The following KIF2A variants were observed in gnomAD, a reference collection of about 807,000 sequenced individuals.
KIF2A encodes the protein kinesin family member 2A, also known as kinesin-like protein KIF2A.
In KIF2A, 22 loss-of-function variants were observed where a neutral mutation model predicts 100.2. The ratio of observed to expected loss-of-function variants is 0.22; its 90% confidence interval spans 0.16 to 0.31. KIF2A has a LOEUF of 0.31. Ranked by LOEUF, KIF2A falls within the 10% of genes least tolerant of loss-of-function variation. The probability of loss-of-function intolerance (pLI) is 1.00; values close to 1 mark genes in which losing one functional copy is unlikely to be tolerated. For synonymous variants in KIF2A, 268 were observed against 285.9 expected, an observed-to-expected ratio of 0.94 and a Z score of 0.63; for missense variants, 495 against 898.7, an observed-to-expected ratio of 0.55 and a Z score of 5.74.
At chr5:62,349,585 T>C (rs1293066719) in intron 3 of KIF2A, among the ~76,000 whole-genome samples, 1 of 152,186 alleles carries the variant, frequency 6.6e-6, no homozygotes, top group African/African-American at 2.4e-5. Flanking sequence ...TTAGAAACTC[T>C]TATGAAACCT....
chr5:62,352,007 A>G (rs1271287505), intron 4 of KIF2A, among the ~76,000 whole-genome samples: 1 of 152,148 alleles, frequency 6.6e-6, no homozygotes, highest in East Asian at 1.9e-4. Context: ...TACAAAAATG[A>G]GCCAGGTGTA....
chr5:62,370,201 G>A (rs1741257537), intron 16 of KIF2A, among the ~76,000 whole-genome samples: 1 of 152,126 alleles, frequency 6.6e-6, no homozygotes, highest in Admixed American at 6.5e-5. Flanking sequence ...GTTTTATATG[G>A]GAATTGTGGG....
intron 17 of KIF2A, among the ~76,000 whole-genome samples, chr5:62,373,088 G>A (rs967651824): frequency 6.6e-6 from 1 of 151,772 alleles, no homozygotes; most frequent in Admixed American, 6.6e-5. Context: ...TTAAAGTAAG[G>A]AAAGTTTACC....
At chr5:62,306,786 G>T in intron 1 of KIF2A, 1 of 476,976 alleles carries the variant, frequency 2.1e-6, no homozygotes, top group Non-Finnish European at 3.7e-6. Flanking sequence ...CCCGGGTGTC[G>T]AGGGTCGCGT....
chr5:62,339,088 A>G (rs1210267601), intron 1 of KIF2A, among the ~76,000 whole-genome samples: 1 of 152,194 alleles, frequency 6.6e-6, no homozygotes, highest in East Asian at 1.9e-4. Flanking sequence ...AGACTGGGTA[A>G]TTTATAAAGA....
intron 18 of KIF2A, among the ~76,000 whole-genome samples, chr5:62,375,767 T>G (rs1741513603): frequency 6.6e-6 from 1 of 152,238 alleles, no homozygotes; most frequent in Admixed American, 6.5e-5. Context: ...ATGGATATTT[T>G]GCTTGTCACA....
At chr5:62,346,385 A>G (rs1747569372) in intron 1 of KIF2A, among the ~76,000 whole-genome samples, 1 of 152,168 alleles carries the variant, frequency 6.6e-6, no homozygotes, top group Non-Finnish European at 1.5e-5. Context: ...ATCAATTTGC[A>G]TCGTATATGG....
chr5:62,313,932 C>T lies in KIF2A; in HGVS notation c.64+7396C>T, dbSNP rs369001114. On this transcript the variant is annotated intron_variant, in intron 1 of 20. Transcript: ENST00000407818. ...TTAACTTCCCAAGTAGCTAGGACTA[C>T]AGGTATGCACAACCATGCCTAGCTA... is the stretch of plus-strand genomic sequence containing the variant. Among the ~76,000 whole-genome samples the T allele has an allele frequency of 1.1e-4, 17 of 152,038 alleles. No individual in the cohort carries two copies. In the East Asian group the frequency reaches 2.2e-3, roughly 19 times the overall value.
intron 3 of KIF2A, among the ~76,000 whole-genome samples, chr5:62,348,647 C>T (rs1346190338): frequency 6.6e-6 from 1 of 152,186 alleles, no homozygotes; most frequent in Non-Finnish European, 1.5e-5. Context: ...TAAATCCTCC[C>T]TAGCAGTTTT....
At chr5:62,324,888 G>C (rs994513101) in intron 1 of KIF2A, among the ~76,000 whole-genome samples, 7 of 152,092 alleles carry the variant, frequency 4.6e-5, no homozygotes, top group Admixed American at 4.6e-4. Context: ...CTTCTGCACA[G>C]CAAAAGAAAC....
chr5:62,377,820 C>A, intron 19 of KIF2A, 58 bp downstream of exon 19: 2 of 947,656 alleles, frequency 2.1e-6, no homozygotes, highest in South Asian at 3.2e-5. Flanking sequence ...AAGAATTTGT[C>A]ATAATTCCTT....
chr5:62,384,021 G>A (rs540860131), intron 20 of KIF2A, among the ~76,000 whole-genome samples: 13 of 152,166 alleles, frequency 8.5e-5, no homozygotes, highest in African/African-American at 3.1e-4. Flanking sequence ...TAGATCACCC[G>A]AGGTCAGGAG....
intron 20 of KIF2A, among the ~76,000 whole-genome samples, chr5:62,383,957 G>C (rs1741903325): frequency 6.6e-6 from 1 of 152,002 alleles, no homozygotes; most frequent in Admixed American, 6.6e-5. Flanking sequence ...GGATTTATAA[G>C]AAAAATTTGG....
At chr5:62,317,952 C>G (rs1472638938) in intron 1 of KIF2A, among the ~76,000 whole-genome samples, 1 of 152,166 alleles carries the variant, frequency 6.6e-6, no homozygotes, top group Non-Finnish European at 1.5e-5. Context: ...ACAATTTAAA[C>G]AGGAACAAAT....
chr5:62,316,980 T>C (rs1241143992), intron 1 of KIF2A, among the ~76,000 whole-genome samples: 1 of 152,124 alleles, frequency 6.6e-6, no homozygotes, highest in African/African-American at 2.4e-5. Flanking sequence ...TATTGGCCAA[T>C]GTTAGAAGAA....
At chr5:62,345,538 C>T (rs1179089492) in intron 1 of KIF2A, among the ~76,000 whole-genome samples, 1 of 151,948 alleles carries the variant, frequency 6.6e-6, no homozygotes, top group Non-Finnish European at 1.5e-5. Context: ...TGGCTCACAC[C>T]TGTAATCCCA....
At chr5:62,332,452 A>G (rs1207844139) in intron 1 of KIF2A, among the ~76,000 whole-genome samples, 1 of 152,206 alleles carries the variant, frequency 6.6e-6, no homozygotes, top group African/African-American at 2.4e-5. Context: ...TCCTAACAAA[A>G]AGTTGAGCCT....
rs1740924175 is a variant in KIF2A at position 62,363,765 on chromosome 5, A to C, written c.1333A>C (p.Arg445=). The change falls in exon 14 of 21, where the codon AGG becomes CGG. Residue 445 remains arginine (R), a synonymous_variant. Transcript: ENST00000407818. ...SHAVFQIILR[R]KGKLHGKFSL... is the part of the protein sequence containing the mutation. ...TGCAGTGTTTCAGATTATTCTTAGA[A>C]GGAAAGGAAAACTACATGGCAAATT... 1.2e-6 allele frequency: 2 copies of C among 1,613,968 alleles called. No individual in the cohort carries two copies. The highest frequency in any genetic ancestry group is 4.5e-5 in the East Asian group (2 of 44,874).
chr5:62,337,539 A>G lies in KIF2A; in HGVS notation c.65-9591A>G, dbSNP rs138357439. ...AACCATGATACCAAAATCTAATAAG[A>G]TTGTTATGAGAGGCTGGGAGCAGTG... is the stretch of plus-strand genomic sequence containing the variant. On this transcript the variant is annotated intron_variant, in intron 1 of 20. Coordinates refer to ENST00000407818, the MANE Select transcript of KIF2A (RefSeq NM_001098511.3). 7.3e-3 allele frequency among the ~76,000 whole-genome samples: 1,115 copies of G among 152,092 alleles called. 7 individuals carry two copies. Among genetic ancestry groups the G allele is most frequent in the African/African-American group, 0.025 (1,032 of 41,470 alleles).
Sources: gnomAD v4.1 joint callset for allele counts (sites outside exome capture counted in the v4.1 genomes callset) on GRCh38, gnomAD v4.1.1 for gene constraint, MANE v1.5 for transcripts, NCBI Gene and HGNC (gene_info 2026-07-23, HGNC 2026-07-21) for gene names.